The following CCM2L variants were observed in gnomAD, a reference collection of about 807,000 sequenced individuals.
CCM2L encodes cerebral cavernous malformations 2 protein-like.
A neutral mutation model predicts 54.1 loss-of-function variants in CCM2L; 36 were observed. The observed-to-expected ratio is 0.67, with a 90% confidence interval of 0.51 to 0.88. The LOEUF (loss-of-function observed/expected upper bound fraction) is 0.88, where lower values mean the gene tolerates loss of function less well. Among genes scored for constraint, CCM2L ranks in the 40% least tolerant of loss-of-function variants. The pLI is 0.00. For missense variants in CCM2L, 700 were observed against 812.1 expected, an observed-to-expected ratio of 0.86 and a Z score of 1.68; for synonymous variants, 351 against 359.3, an observed-to-expected ratio of 0.98 and a Z score of 0.26.
At chr20:32,019,430 C>A in intron 5 of CCM2L, 21 bp downstream of exon 5, 1 of 1,470,710 alleles carries the variant, frequency 6.8e-7, no homozygotes, top group Non-Finnish European at 9.0e-7. Context: ...GGGCAGCCTG[C>A]TCCCAAAGCC....
intron 1 of CCM2L, 71 bp downstream of exon 1, chr20:32,010,555 C>CG: frequency 3.2e-5 from 4 of 126,162 alleles, no homozygotes; most frequent in Non-Finnish European, 4.2e-5. Flanking sequence ...CAAACTGGGG[C>CG]GGGGTGGGGG....
At chr20:32,022,903 T>A in intron 6 of CCM2L, 108 bp downstream of exon 6, 1 of 1,229,798 alleles carries the variant, frequency 8.1e-7, no homozygotes, top group Non-Finnish European at 1.1e-6. Context: ...GGGCTCCTGA[T>A]CTCTGCCATA....
Position 32,019,288 on chromosome 20 carries a change from AG to A in CCM2L, c.814del (p.Ala272ArgfsTer37). 2 of 1,270,184 alleles carry A rather than the reference AG, an allele frequency of 1.6e-6. No homozygotes were observed. Among genetic ancestry groups the A allele is most frequent in the Non-Finnish European group, 2.0e-6 (2 of 1,009,006 alleles). 78.7% of individuals were successfully genotyped at this position (1,270,184 alleles called of 1,614,324 possible). ...GKPGGSWERR[Q>X]AGSGGGGSWE... is the part of the protein sequence containing the mutation. ...CCGGGCGGTAGCTGGGAGCGGAGGC[AG>A]GCGGGCAGCGGCGGGGGAGGCAGCT... On this transcript the variant is annotated frameshift_variant, in exon 5 of 10. Transcript: ENST00000452892. LOFTEE classifies it high-confidence loss of function.
intron 5 of CCM2L, among the ~76,000 whole-genome samples, chr20:32,021,939 T>C (rs1030700222): frequency 1.3e-5 from 2 of 152,216 alleles, no homozygotes; most frequent in Admixed American, 6.5e-5. Context: ...TTGGGCTTTT[T>C]TATTTTTATT....
At chr20:32,014,257 A>ATTT (rs1430035207) in intron 1 of CCM2L, among the ~76,000 whole-genome samples, 5 of 137,056 alleles carry the variant, frequency 3.6e-5, no homozygotes, top group African/African-American at 1.4e-4. Context: ...ATATATATAT[A>ATTT]TATATTTTTT....
chr20:32,016,872 GC>G (rs2122324979), intron 2 of CCM2L, among the ~76,000 whole-genome samples: 1 of 152,268 alleles, frequency 6.6e-6, no homozygotes, highest in African/African-American at 2.4e-5. Context: ...AGTTGGCCAG[GC>G]ATGGTGGCTC....
chr20:32,021,092 G>C (rs2064802726), intron 5 of CCM2L, among the ~76,000 whole-genome samples: 2 of 151,744 alleles, frequency 1.3e-5, no homozygotes, highest in Non-Finnish European at 1.5e-5. Context: ...TTCAGCCCTT[G>C]CTGACAGTCT....
Position 32,029,699 on chromosome 20 carries a change from G to A in CCM2L, c.1264-1G>A. ...GATCTCGAATGGTGTCCCCCACATA[G>A]TTGCGGAGTAAGCTGGGGCCCCTCG... is the stretch of plus-strand genomic sequence containing the variant. On this transcript the variant is annotated splice_acceptor_variant, in intron 8 of 9. Transcript: ENST00000452892. LOFTEE classifies it high-confidence loss of function. 2 of 1,606,976 alleles carry A rather than the reference G, an allele frequency of 1.2e-6. No individual in the cohort carries two copies. The highest frequency in any genetic ancestry group is 1.7e-6 in the Non-Finnish European group (2 of 1,176,274).
Position 32,017,825 on chromosome 20 carries a change from C to T in CCM2L, c.224C>T (p.Thr75Ile), listed in dbSNP as rs1600674966. ...VKFLGHLTWV[T>I]SSLNPSSRDE... ...TTCCTGGGCCACCTTACCTGGGTGA[C>T]TTCCTCACTGAACCCCTCCAGTCGG... is the stretch of plus-strand genomic sequence containing the variant. Residue 75 changes from threonine (T) to isoleucine (I), a missense_variant, in exon 3 of 10, where the codon ACT becomes ATT. By Grantham distance (89) the Thr-to-Ile change is moderately conservative (BLOSUM62 -1). Coordinates refer to ENST00000452892, the MANE Select transcript of CCM2L (RefSeq NM_001365692.1). 1 of 1,614,110 alleles carries T rather than the reference C, an allele frequency of 6.2e-7. No homozygotes were observed. The highest frequency in any genetic ancestry group is 2.2e-5 in the East Asian group (1 of 44,870).
chr20:32,019,489 C>G (rs1412455375), intron 5 of CCM2L, 80 bp downstream of exon 5: 1 of 1,068,156 alleles, frequency 9.4e-7, no homozygotes. Context: ...CCCGCCCCAC[C>G]CACCAGGTTC....
chr20:32,011,969 C>T (rs1300126725), intron 1 of CCM2L, among the ~76,000 whole-genome samples: 1 of 151,744 alleles, frequency 6.6e-6, no homozygotes, highest in Non-Finnish European at 1.5e-5. Flanking sequence ...AAGATATGTT[C>T]GTCTCATAAT....
chr20:32,025,682 A>T (rs767309743), intron 6 of CCM2L, among the ~76,000 whole-genome samples, 174 bp from the exon 7 acceptor site: 9 of 152,106 alleles, frequency 5.9e-5, no homozygotes, highest in Non-Finnish European at 1.0e-4. Flanking sequence ...TTGTCCCCAC[A>T]TCGGGGAAGT....
chr20:32,029,081 A>G lies in CCM2L; in HGVS notation c.1220A>G (p.His407Arg). 1 of 1,614,198 alleles carries G rather than the reference A, an allele frequency of 6.2e-7. No individual in the cohort carries two copies. Among genetic ancestry groups the G allele is most frequent in the African/African-American group, 1.3e-5 (1 of 75,052 alleles). The part of the protein sequence containing the change: ...FHGSHCSGSD[H>R]SSLGLEQLQD... ...GGCTCCCACTGCAGCGGCAGCGACCACAGCAGTCTGGGCTTGGAGCAGTTA... is the reference window on the plus strand; with the variant it reads ...GGCTCCCACTGCAGCGGCAGCGACCGCAGCAGTCTGGGCTTGGAGCAGTTA... The change falls in exon 8 of 10, where the codon CAC becomes CGC. Residue 407 changes from histidine to arginine, a missense_variant. Coordinates refer to ENST00000452892, the MANE Select transcript of CCM2L (RefSeq NM_001365692.1).
chr20:32,031,291 G>A lies in CCM2L; in HGVS notation c.1693G>A (p.Ala565Thr), dbSNP rs1246730443. 1.6e-6 allele frequency: 2 copies of A among 1,287,212 alleles called. No homozygotes were observed. The highest frequency in any genetic ancestry group is 2.0e-6 in the Non-Finnish European group (2 of 986,542). The allele number at this position is 1,287,212 out of a possible 1,614,324, so 79.7% of individuals were successfully genotyped here. A position where few individuals can be genotyped will look rare whatever the true frequency, so the allele number is the denominator to read the frequency against. The change falls in exon 10 of 10, where the codon GCC becomes ACC. Residue 565 changes from alanine to threonine, a missense_variant. By Grantham distance (58) the Ala-to-Thr change is moderately conservative (BLOSUM62 0). Transcript: ENST00000452892. ...CCGGGGCTCCAGGGGCGGGAGCGACGCCGCAGAAGACAACTACCTGTAGCC... is the reference window on the plus strand; with the variant it reads ...CCGGGGCTCCAGGGGCGGGAGCGACACCGCAGAAGACAACTACCTGTAGCC... ...EPRGSRGGSD[A>T]AEDNYL is the part of the protein sequence containing the mutation.
chr20:32,029,602 G>A, intron 8 of CCM2L, 98 bp from the exon 9 acceptor site: 1 of 1,448,926 alleles, frequency 6.9e-7, no homozygotes, highest in African/African-American at 1.4e-5. Flanking sequence ...GAGGAGAGCT[G>A]GACCAAACAT....
At chr20:32,014,821 G>T in intron 1 of CCM2L, 83 bp from the exon 2 acceptor site, 1 of 1,302,592 alleles carries the variant, frequency 7.7e-7, no homozygotes, top group Non-Finnish European at 1.0e-6. Flanking sequence ...AATTAAATTA[G>T]GTAATGTAAG....
In CCM2L at chr20:32,019,068, A is replaced by G; in HGVS notation, c.592A>G (p.Ile198Val). The change falls in exon 5 of 10, where the codon ATC becomes GTC. Residue 198 changes from isoleucine to valine, a missense_variant. Coordinates refer to ENST00000452892, the MANE Select transcript of CCM2L (RefSeq NM_001365692.1). ...RVGTAERRHT[I>V]CSLDWRMGWG... ...GGGCACCGCGGAGCGGCGCCACACC[A>G]TCTGCAGCCTGGACTGGCGGATGGG... 8.0e-7 allele frequency: 1 copy of G among 1,249,278 alleles called. No homozygotes were observed. The highest frequency in any genetic ancestry group is 1.0e-6 in the Non-Finnish European group (1 of 1,000,176). 77.4% of individuals were successfully genotyped at this position (1,249,278 alleles called of 1,614,324 possible).
intron 1 of CCM2L, among the ~76,000 whole-genome samples, chr20:32,011,147 C>T (rs1289606747): frequency 3.3e-5 from 5 of 151,448 alleles, no homozygotes; most frequent in African/African-American, 7.3e-5. Context: ...AACATATGTC[C>T]GGGCTGTTCT....
At chr20:32,012,216 G>T (rs1459062786) in intron 1 of CCM2L, among the ~76,000 whole-genome samples, 1 of 152,046 alleles carries the variant, frequency 6.6e-6, no homozygotes, top group East Asian at 1.9e-4. Flanking sequence ...AGATCACTGG[G>T]TCTTACCCCC....
Sources: allele counts gnomAD v4.1 joint callset (sites outside exome capture counted in the v4.1 genomes callset), GRCh38; gene constraint gnomAD v4.1.1; transcripts MANE v1.5; gene names NCBI Gene and HGNC (gene_info 2026-07-23, HGNC 2026-07-21).